Variants in CTSC observed in about 807,000 individuals in gnomAD.
The protein encoded by CTSC is cathepsin C.
CTSC carries 37 observed loss-of-function variants against 40.9 expected under a neutral mutation model. The ratio of observed to expected loss-of-function variants is 0.91; its 90% CI spans 0.70 to 1.19. The LOEUF (loss-of-function observed/expected upper bound fraction) is 1.19. Ranked by LOEUF, CTSC falls within the 50% of genes most tolerant of loss-of-function variation. CTSC has a pLI of 0.00. For synonymous variants in CTSC, 232 were observed against 207.4 expected (o/e 1.12, Z -1.02); for missense variants, 594 against 567.3 (o/e 1.05, Z -0.48).
chr11:88,325,544 C>G (rs1938157788), intron 2 of CTSC: 1 of 985,348 alleles, frequency 1.0e-6, no homozygotes, highest in Non-Finnish European at 1.2e-6. Flanking sequence ...AAGACAAGTT[C>G]TAGCATTTTA....
rs1020853150 is a variant in CTSC, at chr11:88,312,685, TAAGA to T, written c.319-135_319-132del. Reference sequence around the variant, plus strand: ...AACTTCACCCTGAGAGGTTACACTGTAAGAATTATTCTAGAAAAAGAAGACATAC... The same window carrying T: ...AACTTCACCCTGAGAGGTTACACTGTATTATTCTAGAAAAAGAAGACATAC... On this transcript the variant is annotated intron_variant, in intron 2 of 6. Coordinates refer to ENST00000227266, the MANE Select transcript of CTSC (RefSeq NM_001814.6). 4 of 976,780 alleles carry T rather than the reference TAAGA, an allele frequency of 4.1e-6. No individual in the cohort carries two copies. The Admixed American group carries it at 6.5e-5, about 16-fold the overall frequency. The allele number at this position is 976,780 out of a possible 1,614,324, so 60.5% of individuals were successfully genotyped here.
At chr11:88,315,737 C>A (rs1411637602) in intron 2 of CTSC, among the ~76,000 whole-genome samples, 3 of 151,482 alleles carry the variant, frequency 2.0e-5, no homozygotes, top group Non-Finnish European at 2.9e-5. Context: ...ATGCCATCCT[C>A]CACTTCTTCC....
intron 2 of CTSC, chr11:88,327,877 G>A (rs1372219114): frequency 1.9e-6 from 1 of 532,854 alleles, no homozygotes; most frequent in South Asian, 2.1e-5. Context: ...ATTCTTGGGA[G>A]AGCTGATTTG....
chr11:88,313,415 T>C (rs549125126), intron 2 of CTSC, among the ~76,000 whole-genome samples: 1 of 152,218 alleles, frequency 6.6e-6, no homozygotes, highest in African/African-American at 2.4e-5. Context: ...ATTCTGATCA[T>C]GAGGGGGCTA....
chr11:88,334,722 A>G (rs1938443658), intron 2 of CTSC: 1 of 529,666 alleles, frequency 1.9e-6, no homozygotes, highest in Admixed American at 3.5e-5. Flanking sequence ...ATTTATACAT[A>G]TTCAAATGTA....
At chr11:88,312,068 G>A (rs1017329973) in intron 3 of CTSC, among the ~76,000 whole-genome samples, 3 of 152,244 alleles carry the variant, frequency 2.0e-5, no homozygotes, top group African/African-American at 4.8e-5. Flanking sequence ...ATAAACATAC[G>A]TATCTACTTG....
intron 2 of CTSC, among the ~76,000 whole-genome samples, chr11:88,333,069 A>C (rs1246691282): frequency 1.3e-5 from 2 of 152,260 alleles, no homozygotes; most frequent in Non-Finnish European, 2.9e-5. Context: ...TTCAGCCACC[A>C]GCTAATTCCC....
intron 4 of CTSC, 50 bp from the exon 5 acceptor site, chr11:88,300,695 G>A: frequency 8.7e-7 from 1 of 1,152,218 alleles, no homozygotes; most frequent in Non-Finnish European, 1.3e-6. Flanking sequence ...TTCCTTTGAG[G>A]ATGATTTCCT....
intron 2 of CTSC, among the ~76,000 whole-genome samples, chr11:88,332,366 C>G (rs1285329657): frequency 6.6e-6 from 1 of 152,178 alleles, no homozygotes; most frequent in African/African-American, 2.4e-5. Flanking sequence ...AGTTACGCAT[C>G]CTTTCAAGCA....
At chr11:88,325,830 T>C (rs1938167288) in intron 2 of CTSC, 1 of 985,782 alleles carries the variant, frequency 1.0e-6, no homozygotes, top group Non-Finnish European at 1.2e-6. Context: ...TCTTTAAATA[T>C]GTCCTCCATA....
chr11:88,322,120 A>T (rs1474241326), intron 2 of CTSC: 1 of 151,996 alleles, frequency 6.6e-6, no homozygotes, highest in Non-Finnish European at 1.5e-5. Context: ...TAAATTTGTT[A>T]AGTTCCTTGT....
intron 5 of CTSC, chr11:88,298,785 A>G (rs1037990289): frequency 6.6e-6 from 1 of 152,218 alleles, no homozygotes; most frequent in African/African-American, 2.4e-5. Context: ...CAAAGAATAA[A>G]GAACATGGGA....
chr11:88,320,493 T>A (rs543291135), intron 2 of CTSC, among the ~76,000 whole-genome samples: 1 of 152,190 alleles, frequency 6.6e-6, no homozygotes, highest in Non-Finnish European at 1.5e-5. Context: ...AGGCACACCA[T>A]GCAGCATTTC....
At chr11:88,300,296 T>C (rs1944344571) in intron 5 of CTSC, among the ~76,000 whole-genome samples, 1 of 152,166 alleles carries the variant, frequency 6.6e-6, no homozygotes, top group African/African-American at 2.4e-5. Flanking sequence ...ACCTGGAAAA[T>C]ATATTGAGAA....
intron 2 of CTSC, among the ~76,000 whole-genome samples, chr11:88,314,894 T>A (rs1262376441): frequency 6.6e-6 from 1 of 152,098 alleles, no homozygotes; most frequent in Non-Finnish European, 1.5e-5. Context: ...CTAGCATGAG[T>A]TCAGTTCCCA....
intron 1 of CTSC, 103 bp from the exon 2 acceptor site, chr11:88,335,185 G>T: frequency 2.4e-6 from 2 of 826,120 alleles, no homozygotes; most frequent in Non-Finnish European, 2.0e-6. Flanking sequence ...TTCCTTTCAT[G>T]CTACCCAGTT....
At chr11:88,311,297 C>G (rs908729115) in intron 3 of CTSC, among the ~76,000 whole-genome samples, 9 of 152,114 alleles carry the variant, frequency 5.9e-5, no homozygotes, top group African/African-American at 2.2e-4. Context: ...TATTTAAAAC[C>G]TAAACTTAAA....
In CTSC at chr11:88,294,147, G is replaced by A. The variant is rs1184225732; in HGVS notation, c.1251C>T (p.Ala417=). 6.2e-7 allele frequency: 1 copy of A among 1,613,884 alleles called. No homozygotes were observed. The highest frequency in any genetic ancestry group is 2.2e-5 in the East Asian group (1 of 44,852). Residue 417 remains alanine (A), a synonymous_variant, in exon 7 of 7, where the codon GCC becomes GCT. Transcript: ENST00000227266. ...TAACAATCCAGTAATCCATCCCAGA[G>A]GCTGAGTCAGTGCCATAGCCCACAA... ...VLLVGYGTDS[A]SGMDYWIVKN... is the part of the protein sequence containing the mutation.
Position 88,302,507 on chromosome 11 carries a change from T to C in CTSC, c.642-1862A>G, listed in dbSNP as rs1026139421. 4.0e-5 allele frequency among the ~76,000 whole-genome samples: 6 copies of C among 151,124 alleles called. No individual in the cohort carries two copies. The East Asian group carries it at 1.2e-3, about 30-fold the overall frequency. ...TGGGCGTGGTGGCGGGTGCCTGTAGTCCCAGCTACTCGGGAGGCTGAGGCA... is the reference window on the plus strand; with the variant it reads ...TGGGCGTGGTGGCGGGTGCCTGTAGCCCCAGCTACTCGGGAGGCTGAGGCA... On this transcript the variant is annotated intron_variant, in intron 4 of 6. Coordinates refer to ENST00000227266, the MANE Select transcript of CTSC (RefSeq NM_001814.6).
Sources: allele counts gnomAD v4.1 joint callset (sites outside exome capture counted in the v4.1 genomes callset), GRCh38; gene constraint gnomAD v4.1.1; transcripts MANE v1.5; gene names NCBI Gene and HGNC (gene_info 2026-07-23, HGNC 2026-07-21).